SCLT1: variants seen among roughly 807,000 people sequenced by gnomAD.
SCLT1 encodes sodium channel-associated protein 1.
Under a neutral mutation model 112.8 loss-of-function variants are expected in SCLT1, and 78 were observed. The ratio of observed to expected loss-of-function variants is 0.69; its 90% CI spans 0.58 to 0.83. The LOEUF is 0.83. Ranked by LOEUF, SCLT1 falls within the 40% of genes least tolerant of loss-of-function variation. The probability of loss-of-function intolerance (pLI) is 0.00; values close to 1 mark genes in which losing one functional copy is unlikely to be tolerated. For synonymous variants in SCLT1, 257 were observed against 254.7 expected (o/e 1.01, Z -0.09); for missense variants, 747 against 770.4 (o/e 0.97, Z 0.36).
At chr4:129,059,157 A>G (rs999239774) in intron 2 of SCLT1, among the ~76,000 whole-genome samples, 2 of 152,060 alleles carry the variant, frequency 1.3e-5, no homozygotes, top group Admixed American at 1.3e-4. Flanking sequence ...TTCTCTTTCC[A>G]TCCATATGTA....
chr4:128,959,649 G>A lies in SCLT1; in HGVS notation c.998C>T (p.Ala333Val). The change falls in exon 12 of 21, where the codon GCC becomes GTC. Residue 333 changes from alanine (A) to valine (V), a missense_variant. Ala to Val is a moderately conservative substitution (Grantham distance 64). Transcript: ENST00000281142. Reference protein sequence around the residue: ...ENERYEAIVRARNSMQLLEEA... With the variant: ...ENERYEAIVRVRNSMQLLEEA... The stretch of plus-strand genomic sequence containing the variant: ...TTCTAAGAGTTGCATGCTATTTCTG[G>A]CTCTTACAATAGCCTCATATCTCTC... 3 of 1,613,284 alleles carry A rather than the reference G, an allele frequency of 1.9e-6. No individual in the cohort carries two copies. The highest frequency in any genetic ancestry group is 2.5e-6 in the Non-Finnish European group (3 of 1,179,628).
intron 18 of SCLT1, among the ~76,000 whole-genome samples, chr4:128,910,714 C>T (rs542657635): frequency 1.8e-3 from 280 of 151,870 alleles, no homozygotes; most frequent in Middle Eastern, 0.01. Context: ...CTCTTTAATA[C>T]GTCTGGAATT....
chr4:129,015,668 CT>C (rs1421634494), intron 5 of SCLT1, among the ~76,000 whole-genome samples: 1 of 152,180 alleles, frequency 6.6e-6, no homozygotes, highest in Non-Finnish European at 1.5e-5. Context: ...GAATCTCTCC[CT>C]GCCAACTCAA....
chr4:129,048,869 A>C (rs1280106822), intron 2 of SCLT1, among the ~76,000 whole-genome samples: 1 of 152,190 alleles, frequency 6.6e-6, no homozygotes. Context: ...GCCAAAAGAC[A>C]CATGAAAAAA....
intron 5 of SCLT1, among the ~76,000 whole-genome samples, chr4:129,015,207 G>C (rs183457349): frequency 6.6e-6 from 1 of 152,216 alleles, no homozygotes; most frequent in African/African-American, 2.4e-5. Flanking sequence ...AAACCTGCCC[G>C]CACAGACATG....
At chr4:128,877,472 T>G (rs318555) in intron 3 of SCLT1, among the ~76,000 whole-genome samples, 75,712 of 151,934 alleles carry the variant, frequency 0.5, 21,485 homozygotes, top group African/African-American at 0.78. Flanking sequence ...ACGAGGTCAG[T>G]AGTTCGAGAC....
Position 128,932,932 on chromosome 4 carries a change from G to A in SCLT1, c.1829+3723C>T, listed in dbSNP as rs146695999. On this transcript the variant is annotated intron_variant, in intron 18 of 20. Transcript: ENST00000281142. ...TCTATATTGAAAACTACCAAAAACT[G>A]ATAAAAGAAATTTAAGAAGGCACAA... Among the ~76,000 whole-genome samples the A allele has an allele frequency of 1.6e-3, 237 of 152,188 alleles. 2 individuals are homozygous for A. Among genetic ancestry groups the A allele is most frequent in the East Asian group, 0.013 (70 of 5,190 alleles).
intron 3 of SCLT1, among the ~76,000 whole-genome samples, chr4:128,877,742 G>A (rs1162818116): frequency 6.6e-6 from 1 of 151,604 alleles, no homozygotes; most frequent in Non-Finnish European, 1.5e-5. Flanking sequence ...GTAAACTTCA[G>A]TTAAATGAAT....
chr4:128,987,116 TCTGCAATGTTCTGAAATGG>T (rs988876859), intron 9 of SCLT1, among the ~76,000 whole-genome samples: 16 of 152,270 alleles, frequency 1.1e-4, no homozygotes, highest in South Asian at 4.2e-4. Flanking sequence ...TGAAATGGCT[TCTGCAATGTTCTGAAATGG>T]CTGCAATGTT....
At chr4:129,027,302 A>G (rs1169473094) in intron 5 of SCLT1, among the ~76,000 whole-genome samples, 10 of 152,212 alleles carry the variant, frequency 6.6e-5, no homozygotes, top group South Asian at 2.1e-4. Flanking sequence ...AAAATCCTCA[A>G]TAAAATACTG....
At chr4:128,903,560 G>A (rs958656748) in intron 18 of SCLT1, among the ~76,000 whole-genome samples, 1 of 150,636 alleles carries the variant, frequency 6.6e-6, no homozygotes, top group Non-Finnish European at 1.5e-5. Flanking sequence ...AAAACTATTG[G>A]TATTTATTTA....
chr4:129,088,668 G>T (rs975832360), intron 1 of SCLT1, among the ~76,000 whole-genome samples: 6 of 152,220 alleles, frequency 3.9e-5, no homozygotes, highest in African/African-American at 1.4e-4. Flanking sequence ...AGGCTGCAGA[G>T]CAGAATATTA....
intron 1 of SCLT1, among the ~76,000 whole-genome samples, chr4:129,088,654 G>C (rs562215304): frequency 6.6e-6 from 1 of 152,320 alleles, no homozygotes; most frequent in Non-Finnish European, 1.5e-5. Flanking sequence ...GAATGAGTTT[G>C]GCAAGGCTGC....
At position 129,048,631 on chromosome 4, in the gene SCLT1, G is replaced by C. The variant is rs569623135; in HGVS notation, c.103-4580C>G. 9.9e-5 allele frequency among the ~76,000 whole-genome samples: 15 copies of C among 152,116 alleles called. No homozygotes were observed. The East Asian group carries it at 1.5e-3, about 16-fold the overall frequency. On this transcript the variant is annotated intron_variant, in intron 2 of 20. Coordinates refer to ENST00000281142, the MANE Select transcript of SCLT1 (RefSeq NM_144643.4). ...AACAAAAGACAAAATTGACAAATGG[G>C]ATCTAATTAAACTAAAGAGCTTCTG... is the stretch of plus-strand genomic sequence containing the variant.
chr4:128,988,651 G>A (rs1183755459), intron 9 of SCLT1, among the ~76,000 whole-genome samples: 1 of 151,680 alleles, frequency 6.6e-6, no homozygotes, highest in Non-Finnish European at 1.5e-5. Context: ...AACATTAAAT[G>A]TAACTGGACT....
At chr4:128,987,886 C>A (rs1204019351) in intron 9 of SCLT1, among the ~76,000 whole-genome samples, 2 of 151,784 alleles carry the variant, frequency 1.3e-5, no homozygotes, top group African/African-American at 4.8e-5. Flanking sequence ...TCAGGACATA[C>A]AATAATCAAA....
At chr4:128,933,897 A>G (rs925062759) in intron 18 of SCLT1, among the ~76,000 whole-genome samples, 1 of 152,018 alleles carries the variant, frequency 6.6e-6, no homozygotes, top group African/African-American at 2.4e-5. Context: ...ACTACTAGAA[A>G]CAGTTTATGA....
intron 14 of SCLT1, among the ~76,000 whole-genome samples, chr4:128,949,546 C>T (rs533634828): frequency 6.6e-6 from 1 of 152,154 alleles, no homozygotes; most frequent in African/African-American, 2.4e-5. Flanking sequence ...TACCCCACAA[C>T]AGTCCCTGGT....
intron 2 of SCLT1, among the ~76,000 whole-genome samples, chr4:129,060,733 C>CT (rs1425314035): frequency 3.3e-5 from 5 of 152,118 alleles, no homozygotes; most frequent in African/African-American, 1.2e-4. Context: ...AATAGGGAGA[C>CT]TTATCAAGAG....
Sources: allele counts gnomAD v4.1 joint callset (sites outside exome capture counted in the v4.1 genomes callset), GRCh38; gene constraint gnomAD v4.1.1; transcripts MANE v1.5; gene names NCBI Gene and HGNC (gene_info 2026-07-23, HGNC 2026-07-21).